AGBL1: variants seen among roughly 807,000 people sequenced by gnomAD.
The protein encoded by AGBL1 is cytosolic carboxypeptidase 4.
Under a neutral mutation model 118.9 loss-of-function variants are expected in AGBL1, and 130 were observed. The observed-to-expected ratio is 1.09, with a 90% CI of 0.95 to 1.26. The LOEUF (loss-of-function observed/expected upper bound fraction) is 1.26, where lower values mean the gene tolerates loss of function less well. AGBL1 is among the 50% of genes most tolerant of loss of function. The pLI is 0.00. For missense variants in AGBL1, 1,584 were observed against 1,298.1 expected (o/e 1.22, Z -3.38); for synonymous variants, 555 against 478.9 (o/e 1.16, Z -2.08).
At chr15:86,848,550 C>G (rs1191972191) in intron 22 of AGBL1, among the ~76,000 whole-genome samples, 2 of 152,118 alleles carry the variant, frequency 1.3e-5, no homozygotes, top group Non-Finnish European at 2.9e-5. Flanking sequence ...AATACATGGT[C>G]CCAAGAACTA....
downstream of AGBL1, among the ~76,000 whole-genome samples, chr15:86,917,261 C>T (rs1396540233): frequency 6.6e-6 from 1 of 152,118 alleles, no homozygotes; most frequent in Non-Finnish European, 1.5e-5. This position sits in a 1 kb window ranked among gnomAD's most constrained non-coding sequence, Gnocchi z 4.8. Flanking sequence ...GTTGGTTGTT[C>T]AGAGAGAGTT....
rs538203361 is a variant in AGBL1, at chr15:86,356,696, GA to G, written c.2375-40669del. Among the ~76,000 whole-genome samples the G allele has an allele frequency of 1.6e-3, 245 of 152,298 alleles. 1 individual carries two copies. Among genetic ancestry groups the G allele is most frequent in the African/African-American group, 5.0e-3 (209 of 41,574 alleles). ...TAAGAAGCAGGGCTACAGTTCCTGA[GA>G]CAAGTTTTTTGAGTTAGAGCAAGAG... On this transcript the variant is annotated intron_variant, in intron 17 of 22. Transcript: ENST00000614907.
chr15:86,257,300 A>T (rs74025059), intron 8 of AGBL1, among the ~76,000 whole-genome samples: 1,911 of 152,312 alleles, frequency 0.013, 58 homozygotes, highest in African/African-American at 0.044. Context: ...AGCTAATTTT[A>T]AAAAAGTCTA....
rs749462151 is a variant in AGBL1, at chr15:86,264,450, C to T, written c.1279C>T (p.His427Tyr). The T allele has an allele frequency of 1.1e-5, 17 of 1,613,874 alleles. No individual in the cohort carries two copies. The South Asian group carries it at 1.8e-4, about 17-fold the overall frequency. ...GGTGAAGACGGGAAGGTCCACTGTG[C>T]ATCTAGGCTCCAAAAAAAATCCTGG... Reference protein sequence around the residue: ...CRVKTGRSTVHLGSKKNPGVN... With the variant: ...CRVKTGRSTVYLGSKKNPGVN... Residue 427 changes from histidine (H) to tyrosine (Y), a missense_variant, in exon 11 of 23, where the codon CAT becomes TAT. Transcript: ENST00000614907.
chr15:86,488,251 C>T (rs1567020556), intron 18 of AGBL1, among the ~76,000 whole-genome samples: 1 of 151,916 alleles, frequency 6.6e-6, no homozygotes, highest in Admixed American at 6.6e-5. Flanking sequence ...GGGAAGTCAC[C>T]CGAAGATATG....
intron 22 of AGBL1, among the ~76,000 whole-genome samples, chr15:86,832,571 CTT>C (rs2079119848): frequency 6.6e-6 from 1 of 152,202 alleles, no homozygotes; most frequent in Non-Finnish European, 1.5e-5. Context: ...TCACCAGTCT[CTT>C]TGCCAAAACA....
At chr15:86,884,267 G>T (rs1031147946) in intron 22 of AGBL1, among the ~76,000 whole-genome samples, 1 of 152,292 alleles carries the variant, frequency 6.6e-6, no homozygotes. Context: ...TGGGCAGAAT[G>T]GGCAGGTAGT....
chr15:86,301,724 G>A (rs917905919), intron 17 of AGBL1, among the ~76,000 whole-genome samples: 6 of 148,708 alleles, frequency 4.0e-5, no homozygotes, highest in African/African-American at 1.5e-4. Flanking sequence ...AATACAGAAA[G>A]TTTTAACAGG....
intron 1 of AGBL1, among the ~76,000 whole-genome samples, chr15:86,134,171 T>C (rs2076855312): frequency 6.6e-6 from 1 of 152,244 alleles, no homozygotes. Flanking sequence ...TTTTTAGTAA[T>C]TGAAGTTTGT....
chr15:86,159,616 C>G (rs1455296552), intron 5 of AGBL1, among the ~76,000 whole-genome samples: 3 of 151,822 alleles, frequency 2.0e-5, no homozygotes, highest in African/African-American at 7.3e-5. Flanking sequence ...AGTGAATCAT[C>G]AAGTTAAAAA....
At chr15:86,696,455 C>T (rs1429547515) in intron 22 of AGBL1, among the ~76,000 whole-genome samples, 2 of 151,382 alleles carry the variant, frequency 1.3e-5, no homozygotes, top group Non-Finnish European at 3.0e-5. Flanking sequence ...ACCTTTTTAC[C>T]TTAAGTCTAT....
At chr15:86,444,103 C>T (rs953154740) in intron 18 of AGBL1, among the ~76,000 whole-genome samples, 2 of 152,160 alleles carry the variant, frequency 1.3e-5, no homozygotes, top group Non-Finnish European at 2.9e-5. Flanking sequence ...TCTCCACAAC[C>T]TTGCCAGCAC....
intron 22 of AGBL1, among the ~76,000 whole-genome samples, chr15:86,876,723 G>A (rs2079815433): frequency 6.6e-6 from 1 of 152,182 alleles, no homozygotes; most frequent in African/African-American, 2.4e-5. Context: ...TGAACACTGG[G>A]TATGGCTGCA....
chr15:86,767,607 T>G (rs1457189371), intron 22 of AGBL1, among the ~76,000 whole-genome samples: 1 of 151,964 alleles, frequency 6.6e-6, no homozygotes, highest in Non-Finnish European at 1.5e-5. Flanking sequence ...TTTATATTTG[T>G]TATCTCATTT....
chr15:86,340,388 T>C (rs2080443910), intron 17 of AGBL1, among the ~76,000 whole-genome samples: 1 of 152,064 alleles, frequency 6.6e-6, no homozygotes, highest in African/African-American at 2.4e-5. Flanking sequence ...GGTCTTGAGA[T>C]GAAGTCATCC....
chr15:86,759,404 C>T lies in AGBL1; in HGVS notation c.3158+84968C>T, dbSNP rs573695278. 3.0e-4 allele frequency among the ~76,000 whole-genome samples: 46 copies of T among 152,146 alleles called. No homozygotes were observed. The South Asian group carries it at 5.2e-3, about 17-fold the overall frequency. On this transcript the variant is annotated intron_variant, in intron 22 of 22. Transcript: ENST00000614907. ...CTCACTTGTATAATAGAAGTAATAA[C>T]GGAAACTTCCTCATAAAGTTGAAAA...
intron 17 of AGBL1, among the ~76,000 whole-genome samples, chr15:86,321,872 AT>A (rs35758448): frequency 0.64 from 96,987 of 151,292 alleles, 32,327 homozygotes; most frequent in African/African-American, 0.83. Context: ...GTCAGTACTA[AT>A]TTTTTTTATT....
intron 14 of AGBL1, 62 bp from the exon 15 acceptor site, chr15:86,271,557 A>G (rs530892675): frequency 2.9e-5 from 37 of 1,297,530 alleles, no homozygotes; most frequent in Admixed American, 5.0e-5. Context: ...TGTGGGGGTC[A>G]TTATTTGGCC....
chr15:86,731,089 C>T (rs1168142709), intron 22 of AGBL1, among the ~76,000 whole-genome samples: 1 of 152,108 alleles, frequency 6.6e-6, no homozygotes, highest in African/African-American at 2.4e-5. Flanking sequence ...TCTTGGCCTC[C>T]CAAAGTGCTG....
Sources: allele counts gnomAD v4.1 joint callset (sites outside exome capture counted in the v4.1 genomes callset), GRCh38; gene constraint gnomAD v4.1.1; non-coding constraint Gnocchi (gnomAD v3.1); transcripts MANE v1.5; gene names NCBI Gene and HGNC (gene_info 2026-07-23, HGNC 2026-07-21).